ELP4: variants seen among roughly 807,000 people sequenced by gnomAD.
ELP4 encodes elongator acetyltransferase complex subunit 4.
A neutral mutation model predicts 48.9 loss-of-function variants in ELP4; 51 were observed. That is an observed-to-expected ratio of 1.04 (90% confidence interval 0.83 to 1.32). The LOEUF (loss-of-function observed/expected upper bound fraction) is 1.32, where lower values mean the gene tolerates loss of function less well. Among genes scored for constraint, ELP4 ranks in the 40% most tolerant of loss-of-function variants. The pLI is 0.00. For synonymous variants in ELP4, 210 were observed against 189.2 expected (o/e 1.11, Z -0.90); for missense variants, 519 against 514.6 (o/e 1.01, Z -0.08).
chr11:31,512,113 A>G (rs146405102), intron 1 of ELP4: 2 of 152,322 alleles, frequency 1.3e-5, no homozygotes, highest in East Asian at 3.9e-4. Flanking sequence ...AGTTTAGACT[A>G]TGTTATTACT....
chr11:31,521,389 A>G (rs577103740), intron 2 of ELP4, among the ~76,000 whole-genome samples: 1 of 152,094 alleles, frequency 6.6e-6, no homozygotes, highest in South Asian at 2.1e-4. Context: ...AGGATGGGGT[A>G]GTTTTCCCAC....
chr11:31,634,787 C>CT (rs1944938295), intron 7 of ELP4, among the ~76,000 whole-genome samples: 1 of 151,954 alleles, frequency 6.6e-6, no homozygotes, highest in South Asian at 2.1e-4. Context: ...AAAGAGACTT[C>CT]TTTGAAATAG....
chr11:31,721,399 TATAAC>T (rs1307906089), intron 9 of ELP4, among the ~76,000 whole-genome samples: 4 of 152,194 alleles, frequency 2.6e-5, no homozygotes, highest in African/African-American at 9.7e-5. Context: ...GATCATGTAA[TATAAC>T]ATAGGTTCTA....
In ELP4 at chr11:31,716,196, A is replaced by T. The variant is rs191270763; in HGVS notation, c.1143+65975A>T. 8.3e-4 allele frequency among the ~76,000 whole-genome samples: 127 copies of T among 152,172 alleles called. 3 individuals carry two copies. In the South Asian group the frequency reaches 0.026, roughly 31 times the overall value. On this transcript the variant is annotated intron_variant, in intron 9 of 9. Transcript: ENST00000640961. ...CATCCAGCTAATTTATTTATTTGGT[A>T]GAGACAAGATTTTGTTATGTTGCCC...
At chr11:31,656,579 C>T (rs1945439008) in intron 9 of ELP4, among the ~76,000 whole-genome samples, 1 of 151,932 alleles carries the variant, frequency 6.6e-6, no homozygotes, top group Admixed American at 6.6e-5. Flanking sequence ...AATATTTTTA[C>T]ATTGCACTAT....
chr11:31,648,395 T>C (rs1945250055), intron 8 of ELP4: 1 of 151,570 alleles, frequency 6.6e-6, no homozygotes, highest in Non-Finnish European at 1.5e-5. Context: ...CACAGCAGAA[T>C]TCATCAGACT....
At chr11:31,510,654 A>G (rs943702711) in intron 1 of ELP4, 2 of 331,562 alleles carry the variant, frequency 6.0e-6, no homozygotes, top group African/African-American at 2.1e-5. Flanking sequence ...TTTGCTTCCC[A>G]GTATTGATTG....
intron 3 of ELP4, among the ~76,000 whole-genome samples, chr11:31,568,580 T>C (rs1957148542): frequency 6.6e-6 from 1 of 151,986 alleles, no homozygotes; most frequent in South Asian, 2.1e-4. Flanking sequence ...TAAAGACAGA[T>C]ATAAAGACCA....
intron 9 of ELP4, among the ~76,000 whole-genome samples, chr11:31,771,221 G>A (rs926337966): frequency 6.6e-6 from 1 of 152,154 alleles, no homozygotes; most frequent in African/African-American, 2.4e-5. Flanking sequence ...AGGGTGAGAT[G>A]GGAGTCACTT....
At position 31,632,240 on chromosome 11, in the gene ELP4, A is replaced by G. The variant is rs1441314480; in HGVS notation, c.762A>G (p.Arg254=). The stretch of plus-strand genomic sequence containing the variant: ...AGAAAAAACAGAGAAACATTTTAAG[A>G]ATAGGAATTCAGAATCTTGGCTCAC... The part of the protein sequence containing the change: ...NPQKKQRNIL[R]IGIQNLGSPL... The change falls in exon 7 of 10, where the codon AGA becomes AGG. Residue 254 remains arginine, a synonymous_variant. Transcript: ENST00000640961. The G allele has an allele frequency of 1.2e-6, 2 of 1,601,500 alleles. No individual in the cohort carries two copies. The highest frequency in any genetic ancestry group is 4.5e-5 in the East Asian group (2 of 44,708).
At chr11:31,545,214 G>T (rs1956678117) in intron 3 of ELP4, among the ~76,000 whole-genome samples, 1 of 152,104 alleles carries the variant, frequency 6.6e-6, no homozygotes, top group Non-Finnish European at 1.5e-5. Flanking sequence ...CAAACCAAAG[G>T]CAAAGAAGTT....
In ELP4 at chr11:31,790,040, T is replaced by C; in HGVS notation, c.*6516T>C. On this transcript the variant is annotated 3_prime_UTR_variant, in exon 10 of 10. Coordinates refer to ENST00000640961, the MANE Select transcript of ELP4 (RefSeq NM_019040.5). ...GAGTCCTAGAAGTGGATGAAAGAAA[T>C]AGCCATGTAGATATTCCCTTTGAGA... is the stretch of plus-strand genomic sequence containing the variant. The C allele has an allele frequency of 6.6e-6, 9 of 1,360,850 alleles. No homozygotes were observed. The highest frequency in any genetic ancestry group is 1.2e-5 in the South Asian group (1 of 84,918). 84.3% of individuals were successfully genotyped at this position (1,360,850 alleles called of 1,614,324 possible).
intron 7 of ELP4, among the ~76,000 whole-genome samples, chr11:31,640,320 A>G (rs1191251384): frequency 1.3e-5 from 2 of 151,922 alleles, no homozygotes; most frequent in African/African-American, 4.8e-5. Context: ...CTGTGAGAAA[A>G]CATGAGTTTT....
chr11:31,716,259 T>C (rs1946840548), intron 9 of ELP4, among the ~76,000 whole-genome samples: 1 of 152,034 alleles, frequency 6.6e-6, no homozygotes, highest in South Asian at 2.1e-4. Flanking sequence ...ACCATTCCCC[T>C]GTCTCAGCCT....
intron 9 of ELP4, among the ~76,000 whole-genome samples, chr11:31,662,046 G>A (rs1275039465): frequency 6.6e-6 from 1 of 151,908 alleles, no homozygotes; most frequent in Non-Finnish European, 1.5e-5. Context: ...TCTTCAGTTT[G>A]GCTTGTTCAG....
At chr11:31,729,031 G>A (rs1255070874) in intron 9 of ELP4, among the ~76,000 whole-genome samples, 1 of 152,074 alleles carries the variant, frequency 6.6e-6, no homozygotes, top group Non-Finnish European at 1.5e-5. Context: ...ATTAGCTAGA[G>A]GAGAAAATTC....
At chr11:31,719,769 A>G (rs1334813360) in intron 9 of ELP4, 15 of 289,078 alleles carry the variant, frequency 5.2e-5, no homozygotes, top group Non-Finnish European at 8.2e-5. Flanking sequence ...GGTTAGGGGT[A>G]AAATATACTG....
intron 3 of ELP4, among the ~76,000 whole-genome samples, chr11:31,544,022 A>G (rs1956643645): frequency 1.3e-5 from 2 of 152,270 alleles, no homozygotes; most frequent in South Asian, 4.1e-4. Context: ...GGGAGGAGCC[A>G]AGATGGCCGA....
chr11:31,740,353 AT>A (rs755761380), intron 9 of ELP4, among the ~76,000 whole-genome samples: 1 of 152,226 alleles, frequency 6.6e-6, no homozygotes, highest in Non-Finnish European at 1.5e-5. Flanking sequence ...AGAAGTACAC[AT>A]TGGCATCATT....
Sources: gnomAD v4.1 joint callset for allele counts (sites outside exome capture counted in the v4.1 genomes callset) on GRCh38, gnomAD v4.1.1 for gene constraint, MANE v1.5 for transcripts, NCBI Gene and HGNC (gene_info 2026-07-23, HGNC 2026-07-21) for gene names.